The following SPATA13 variants were observed in gnomAD, a reference collection of about 807,000 sequenced individuals.
SPATA13 encodes the protein spermatogenesis associated 13.
SPATA13 carries 50 observed loss-of-function variants against 104.0 expected under a neutral mutation model. That is an observed-to-expected ratio of 0.48 (90% CI 0.38 to 0.61). The LOEUF (loss-of-function observed/expected upper bound fraction) is 0.61, where lower values mean the gene tolerates loss of function less well. SPATA13 is among the 20% of genes least tolerant of loss of function. The pLI is 0.00. For synonymous variants in SPATA13, 606 were observed against 667.5 expected, an observed-to-expected ratio of 0.91 and a Z score of 1.42; for missense variants, 1,524 against 1,690.6, an observed-to-expected ratio of 0.90 and a Z score of 1.73.
chr13:24,297,419 A>G lies in SPATA13; in HGVS notation c.3267A>G (p.Lys1089=). 1 of 1,614,044 alleles carries G rather than the reference A, an allele frequency of 6.2e-7. No individual in the cohort carries two copies. Among genetic ancestry groups the G allele is most frequent in the Non-Finnish European group, 8.5e-7 (1 of 1,180,018 alleles). Residue 1089 remains lysine, a synonymous_variant, in exon 11 of 13, where the codon AAA becomes AAG. Coordinates refer to ENST00000382108, the MANE Select transcript of SPATA13 (RefSeq NM_001166271.3). ...TGATTCATTCTGGGGAGCTGACCAA[A>G]ATCACTAAGCAAGGCAAAAGCCAGC... The part of the protein sequence containing the change: ...SELIHSGELT[K]ITKQGKSQQR...
At chr13:24,138,750 ATTT>A (rs11354139) in intron 3 of SPATA13, among the ~76,000 whole-genome samples, 7 of 112,620 alleles carry the variant, frequency 6.2e-5, no homozygotes, top group Middle Eastern at 4.6e-3. Flanking sequence ...CCCCTGGCTA[ATTT>A]TTTTTTTTTT....
chr13:24,248,769 G>A (rs999230622), intron 2 of SPATA13, among the ~76,000 whole-genome samples: 6 of 152,164 alleles, frequency 3.9e-5, no homozygotes, highest in African/African-American at 1.4e-4. Flanking sequence ...GAAAGAAGTG[G>A]GTAGAACAGC....
chr13:24,216,498 A>G (rs1871266991), intron 1 of SPATA13, among the ~76,000 whole-genome samples: 1 of 152,256 alleles, frequency 6.6e-6, no homozygotes, highest in Non-Finnish European at 1.5e-5. Flanking sequence ...TTGTCCATAT[A>G]CTTTCAATTC....
intron 2 of SPATA13, among the ~76,000 whole-genome samples, chr13:24,233,123 G>T (rs540475773): frequency 2.2e-4 from 34 of 152,104 alleles, no homozygotes; most frequent in African/African-American, 3.6e-4. Flanking sequence ...TTTTTGTACT[G>T]CAGAGAATGT....
Position 24,304,994 on chromosome 13 carries a change from GTC to G in SPATA13, c.*2225_*2226del, listed in dbSNP as rs1259964886. On this transcript the variant is annotated 3_prime_UTR_variant, in exon 13 of 13. Coordinates refer to ENST00000382108, the MANE Select transcript of SPATA13 (RefSeq NM_001166271.3). Reference sequence around the variant, plus strand: ...GCACACCTTAGCAATAACTGTAGGGGTCTCTGCTAGAGTTGTTTGTATGTACA... The same window carrying G: ...GCACACCTTAGCAATAACTGTAGGGGTCTGCTAGAGTTGTTTGTATGTACA... 3 of 152,184 alleles carry G rather than the reference GTC, an allele frequency of 2.0e-5. No individual in the cohort carries two copies. Among genetic ancestry groups the G allele is most frequent in the Non-Finnish European group, 4.4e-5 (3 of 68,040 alleles). 9.4% of individuals were successfully genotyped at this position (152,184 alleles called of 1,614,324 possible).
At chr13:24,218,348 A>C (rs1330734000) in intron 1 of SPATA13, among the ~76,000 whole-genome samples, 1 of 152,116 alleles carries the variant, frequency 6.6e-6, no homozygotes. Context: ...AGGGTCTAGC[A>C]TGACCCCCAG....
chr13:24,294,625 A>T, intron 9 of SPATA13, 114 bp from the exon 10 acceptor site: 8 of 1,179,174 alleles, frequency 6.8e-6, no homozygotes, highest in Non-Finnish European at 9.3e-6. Context: ...AATGACGTAA[A>T]TGTCACTTTG....
intron 2 of SPATA13, among the ~76,000 whole-genome samples, chr13:24,003,550 A>G (rs1876080350): frequency 6.6e-6 from 1 of 152,250 alleles, no homozygotes; most frequent in Non-Finnish European, 1.5e-5. Flanking sequence ...AAGAAAACCT[A>G]GGATTTTAAA....
At position 24,305,307 on chromosome 13, in the gene SPATA13, T is replaced by C. The variant is rs1028318391; in HGVS notation, c.*2534T>C. On this transcript the variant is annotated 3_prime_UTR_variant, in exon 13 of 13. Coordinates refer to ENST00000382108, the MANE Select transcript of SPATA13 (RefSeq NM_001166271.3). ...CAGGATGTGTTTTTGTTAAGTCAGG[T>C]TCAATTCGTTGCCCCTGTCAGTTTT... is the stretch of plus-strand genomic sequence containing the variant. 3.3e-5 allele frequency: 5 copies of C among 152,064 alleles called. No homozygotes were observed. Among genetic ancestry groups the C allele is most frequent in the African/African-American group, 9.7e-5 (4 of 41,438 alleles). The allele number at this position is 152,064 out of a possible 1,614,324, so 9.4% of individuals were successfully genotyped here.
chr13:24,239,693 TAAAAAAAAAAAA>T (rs55881452), intron 2 of SPATA13, among the ~76,000 whole-genome samples: 3,611 of 46,982 alleles, frequency 0.077, 292 homozygotes, highest in African/African-American at 0.25. Context: ...AGACCATATC[TAAAAAAAAAAAA>T]AAAAAAAAAA....
chr13:24,170,028 A>C (rs1483306202), intron 1 of SPATA13, among the ~76,000 whole-genome samples: 3 of 152,224 alleles, frequency 2.0e-5, no homozygotes, highest in African/African-American at 7.2e-5. Flanking sequence ...GAGAGTTCCA[A>C]ACCAGATAGC....
At chr13:24,131,533 G>A (rs1881388872) in intron 3 of SPATA13, among the ~76,000 whole-genome samples, 2 of 152,210 alleles carry the variant, frequency 1.3e-5, no homozygotes, top group South Asian at 2.1e-4. Context: ...ACTTCCAGGT[G>A]TCCAGGAGGT....
At chr13:24,261,787 C>T (rs1034991434) in intron 4 of SPATA13, among the ~76,000 whole-genome samples, 6 of 151,784 alleles carry the variant, frequency 4.0e-5, no homozygotes, top group African/African-American at 7.3e-5. Context: ...AAAAAAAAAC[C>T]GGTTTCAGTT....
rs79107134 is a variant in SPATA13 at position 24,231,068 on chromosome 13, G to A, written c.1653+6486G>A. Among the ~76,000 whole-genome samples, 696 of 152,278 alleles carry A rather than the reference G, an allele frequency of 4.6e-3. 37 individuals are homozygous for A. In the East Asian group the frequency reaches 0.11, roughly 24 times the overall value. On this transcript the variant is annotated intron_variant, in intron 2 of 12. Transcript: ENST00000382108. ...AAAGAACACTTGGCTCCCCCCAGAA[G>A]GCTTCCCCACGCCTTTTACCAATCC... is the stretch of plus-strand genomic sequence containing the variant.
intron 3 of SPATA13, among the ~76,000 whole-genome samples, chr13:24,097,863 G>T (rs1476951626): frequency 1.3e-5 from 2 of 152,188 alleles, no homozygotes; most frequent in East Asian, 1.9e-4. Context: ...AGGAGAAACC[G>T]CGGAGAACAG....
At chr13:24,280,566 T>A (rs1210096919) in intron 4 of SPATA13, among the ~76,000 whole-genome samples, 2 of 151,014 alleles carry the variant, frequency 1.3e-5, no homozygotes, top group African/African-American at 4.9e-5. Context: ...CAGTGCCAGA[T>A]CAGTGGTTGC....
chr13:24,071,066 G>A (rs1274470346), intron 3 of SPATA13, among the ~76,000 whole-genome samples: 1 of 152,218 alleles, frequency 6.6e-6, no homozygotes, highest in Admixed American at 6.5e-5. Flanking sequence ...GGAGAACCAT[G>A]ATGAATGCAC....
intron 1 of SPATA13, among the ~76,000 whole-genome samples, chr13:24,169,540 G>A (rs1882879935): frequency 6.6e-6 from 1 of 152,160 alleles, no homozygotes; most frequent in African/African-American, 2.4e-5. Context: ...ACCTTCTCCA[G>A]ACTCTGCCCT....
rs934420860 is a variant in SPATA13, at chr13:24,205,002, C to T, written c.-111-17817C>T. ...AATATCATACCTAATGGGTAAAAGCCGGAAGGATTCCCCTTGAAAACCGAC... is the reference window on the plus strand; with the variant it reads ...AATATCATACCTAATGGGTAAAAGCTGGAAGGATTCCCCTTGAAAACCGAC... On this transcript the variant is annotated intron_variant, in intron 1 of 12. Coordinates refer to ENST00000382108, the MANE Select transcript of SPATA13 (RefSeq NM_001166271.3). The surrounding 1 kb of genome is among the most constrained non-coding windows in gnomAD (Gnocchi z 4.1). 2.0e-5 allele frequency among the ~76,000 whole-genome samples: 3 copies of T among 152,100 alleles called. No individual in the cohort carries two copies. Among genetic ancestry groups the T allele is most frequent in the Admixed American group, 6.6e-5 (1 of 15,260 alleles).
Sources: gnomAD v4.1 joint callset for allele counts (sites outside exome capture counted in the v4.1 genomes callset) on GRCh38, gnomAD v4.1.1 for gene constraint, Gnocchi (gnomAD v3.1) non-coding constraint, MANE v1.5 for transcripts, NCBI Gene and HGNC (gene_info 2026-07-23, HGNC 2026-07-21) for gene names.